Variants in PARP15 observed in about 807,000 individuals in gnomAD.
The protein encoded by PARP15 is poly(ADP-ribose) polymerase family member 15.
In PARP15, 50 loss-of-function variants were observed where a neutral mutation model predicts 62.1. The observed-to-expected ratio is 0.81, with a 90% confidence interval of 0.64 to 1.02. The LOEUF (loss-of-function observed/expected upper bound fraction) is 1.02, where lower values mean the gene tolerates loss of function less well. Ranked by LOEUF, PARP15 falls within the 50% of genes least tolerant of loss-of-function variation. The pLI is 0.00. For synonymous variants in PARP15, 309 were observed against 293.1 expected, an observed-to-expected ratio of 1.05 and a Z score of -0.55; for missense variants, 820 against 826.5, an observed-to-expected ratio of 0.99 and a Z score of 0.10.
chr3:122,607,442 A>T (rs1162212826), intron 2 of PARP15, among the ~76,000 whole-genome samples: 1 of 152,232 alleles, frequency 6.6e-6, no homozygotes, highest in Non-Finnish European at 1.5e-5. Flanking sequence ...ATAAATATGG[A>T]TGATGGTGAT....
At chr3:122,624,840 T>C (rs1232110757) in intron 8 of PARP15, among the ~76,000 whole-genome samples, 1 of 152,160 alleles carries the variant, frequency 6.6e-6, no homozygotes, top group East Asian at 1.9e-4. Flanking sequence ...TACATAATTG[T>C]ATACTTATTC....
intron 1 of PARP15, among the ~76,000 whole-genome samples, chr3:122,593,453 T>C (rs1934105292): frequency 6.6e-6 from 1 of 152,178 alleles, no homozygotes; most frequent in South Asian, 2.1e-4. Context: ...ATTTATATTT[T>C]TAAATACGTT....
chr3:122,621,273 G>A lies in PARP15; in HGVS notation c.1064-171G>A, dbSNP rs967317568. 59 of 645,610 alleles carry A rather than the reference G, an allele frequency of 9.1e-5. No individual in the cohort carries two copies. In the Admixed American group the frequency reaches 1.7e-3, roughly 19 times the overall value. 40.0% of individuals were successfully genotyped at this position (645,610 alleles called of 1,614,324 possible). On this transcript the variant is annotated intron_variant, in intron 7 of 11. Transcript: ENST00000464300. ...TGTATTTGTTGAGCTCGAGAATTCTGATTGTAAAGAAAATGTGGTTGTCAC... is the reference window on the plus strand; with the variant it reads ...TGTATTTGTTGAGCTCGAGAATTCTAATTGTAAAGAAAATGTGGTTGTCAC...
chr3:122,582,027 C>G (rs1932991258), intron 1 of PARP15, among the ~76,000 whole-genome samples: 1 of 152,214 alleles, frequency 6.6e-6, no homozygotes, highest in South Asian at 2.1e-4. Flanking sequence ...TTTATATTTA[C>G]TCACATTTTA....
chr3:122,587,324 T>G (rs1933524307), intron 1 of PARP15, among the ~76,000 whole-genome samples: 1 of 152,238 alleles, frequency 6.6e-6, no homozygotes, highest in Non-Finnish European at 1.5e-5. Flanking sequence ...TGAGCATGAC[T>G]GCTGGATCAT....
At chr3:122,612,622 A>G (rs1173181634) in intron 3 of PARP15, among the ~76,000 whole-genome samples, 1 of 151,698 alleles carries the variant, frequency 6.6e-6, no homozygotes. Flanking sequence ...TTGTATTTTT[A>G]GTAGAGACGG....
intron 3 of PARP15, among the ~76,000 whole-genome samples, chr3:122,611,626 A>T (rs1377758764): frequency 1.3e-5 from 2 of 152,206 alleles, no homozygotes; most frequent in Non-Finnish European, 2.9e-5. Flanking sequence ...GGCATGAGCT[A>T]CTGTGCCTGG....
At chr3:122,612,708 G>T (rs189963969) in intron 3 of PARP15, among the ~76,000 whole-genome samples, 2 of 152,016 alleles carry the variant, frequency 1.3e-5, no homozygotes, top group African/African-American at 4.8e-5. Flanking sequence ...CCAAAGTGCT[G>T]GGAGCCACCG....
chr3:122,621,574 G>T lies in PARP15; in HGVS notation c.1194G>T (p.Arg398Ser). The T allele has an allele frequency of 6.2e-7, 1 of 1,608,668 alleles. No homozygotes were observed. Among genetic ancestry groups the T allele is most frequent in the Non-Finnish European group, 8.5e-7 (1 of 1,178,484 alleles). ...GTGTTCTAGAAGAGTGTGAACAGAG[G>T]AAGTACACATCGGTTTCCCTTCCAG... The part of the protein sequence containing the change: ...VTSVLEECEQ[R>S]KYTSVSLPAI... The change falls in exon 8 of 12, where the codon AGG (arginine) becomes AGT (serine). Residue 398 changes from arginine (R) to serine (S), a missense_variant. This residue lies in a region of PARP15 where 731 missense variants were observed against 727.7 expected (regional missense o/e 1.00). Coordinates refer to ENST00000464300, the MANE Select transcript of PARP15 (RefSeq NM_001113523.3).
At chr3:122,635,467 G>A (rs547201030) in intron 11 of PARP15, among the ~76,000 whole-genome samples, 5 of 151,924 alleles carry the variant, frequency 3.3e-5, no homozygotes, top group African/African-American at 1.2e-4. Flanking sequence ...GGAGTGCAGT[G>A]GCAAGATCAT....
intron 1 of PARP15, among the ~76,000 whole-genome samples, chr3:122,598,096 G>A (rs111813182): frequency 1.3e-5 from 2 of 151,934 alleles, no homozygotes; most frequent in Non-Finnish European, 2.9e-5. Flanking sequence ...CATATTGCTG[G>A]TATAGTGGTT....
intron 1 of PARP15, among the ~76,000 whole-genome samples, chr3:122,598,527 C>T (rs551219661): frequency 4.8e-4 from 73 of 152,220 alleles, no homozygotes; most frequent in African/African-American, 1.6e-3. Flanking sequence ...TGGCAGCTGA[C>T]TTTCCCCAGA....
At chr3:122,635,419 C>CTT (rs35594885) in intron 11 of PARP15, among the ~76,000 whole-genome samples, 56 of 145,176 alleles carry the variant, frequency 3.9e-4, no homozygotes, top group Middle Eastern at 3.5e-3. Flanking sequence ...TTTTAATGGG[C>CTT]TTTTTTTTTT....
At chr3:122,596,295 G>T (rs1934338277) in intron 1 of PARP15, among the ~76,000 whole-genome samples, 1 of 145,200 alleles carries the variant, frequency 6.9e-6, no homozygotes, top group Non-Finnish European at 1.5e-5. Flanking sequence ...GTCGGAGGTT[G>T]CAGTGAGCTG....
At chr3:122,600,790 A>ACC in intron 1 of PARP15, among the ~76,000 whole-genome samples, 1 of 138,656 alleles carries the variant, frequency 7.2e-6, no homozygotes, top group South Asian at 2.3e-4. Context: ...ATTCATTATT[A>ACC]CCTTTTTTTT....
At position 122,603,412 on chromosome 3, in the gene PARP15, C is replaced by A. The variant is rs184111783; in HGVS notation, c.187-2524C>A. On this transcript the variant is annotated intron_variant, in intron 1 of 11. Transcript: ENST00000464300. ...AGAGAACATGTTTCTAAAAAAACCT[C>A]CTGCATTGTGTCTAAATATCAAGTC... Among the ~76,000 whole-genome samples, 637 of 152,190 alleles carry A rather than the reference C, an allele frequency of 4.2e-3. 4 individuals carry two copies. The highest frequency in any genetic ancestry group is 0.015 in the African/African-American group (613 of 41,498).
intron 2 of PARP15, among the ~76,000 whole-genome samples, chr3:122,607,242 G>A (rs183350521): frequency 6.6e-6 from 1 of 152,332 alleles, no homozygotes; most frequent in Admixed American, 6.5e-5. Flanking sequence ...TGATTGGTGA[G>A]TGATATAACC....
At chr3:122,618,907 G>A (rs564723250) in intron 6 of PARP15, among the ~76,000 whole-genome samples, 1 of 152,260 alleles carries the variant, frequency 6.6e-6, no homozygotes, top group Admixed American at 6.5e-5. Context: ...AAATAGGAAT[G>A]GACTGGTGAA....
Position 122,608,311 on chromosome 3 carries a change from G to A in PARP15, c.307-2183G>A, listed in dbSNP as rs533538464. On this transcript the variant is annotated intron_variant, in intron 2 of 11. Coordinates refer to ENST00000464300, the MANE Select transcript of PARP15 (RefSeq NM_001113523.3). ...GCTCACTACAACCTCCGCCTCCTGG[G>A]TTCAAGTGATTCTCCTGCCTCAGCC... is the stretch of plus-strand genomic sequence containing the variant. Among the ~76,000 whole-genome samples, 4 of 150,622 alleles carry A rather than the reference G, an allele frequency of 2.7e-5. No homozygotes were observed. In the South Asian group the frequency reaches 6.3e-4, roughly 24 times the overall value.
Sources: allele counts gnomAD v4.1 joint callset (sites outside exome capture counted in the v4.1 genomes callset), GRCh38; gene constraint gnomAD v4.1.1; regional missense constraint gnomAD v4.1.1; transcripts MANE v1.5; gene names NCBI Gene and HGNC (gene_info 2026-07-23, HGNC 2026-07-21).